Variants in MGAT4C observed in about 807,000 individuals in gnomAD.
The protein encoded by MGAT4C is MGAT4 family member C.
In MGAT4C, 19 loss-of-function variants were observed where a neutral mutation model predicts 40.1. That is an observed-to-expected ratio of 0.47 (90% confidence interval 0.33 to 0.70). The LOEUF (loss-of-function observed/expected upper bound fraction) is 0.70, where lower values mean the gene tolerates loss of function less well. MGAT4C is among the 30% of genes least tolerant of loss of function. The pLI is 0.02. For synonymous variants in MGAT4C, 181 were observed against 187.1 expected (o/e 0.97, Z 0.27); for missense variants, 491 against 563.2 (o/e 0.87, Z 1.30).
intron 2 of MGAT4C, among the ~76,000 whole-genome samples, chr12:86,709,549 T>A (rs1565940897): frequency 6.6e-6 from 1 of 152,090 alleles, no homozygotes; most frequent in Non-Finnish European, 1.5e-5. Context: ...AGAAGATTTG[T>A]GATTATGTTT....
intron 3 of MGAT4C, among the ~76,000 whole-genome samples, chr12:86,378,958 T>G (rs978785867): frequency 6.6e-6 from 1 of 152,112 alleles, no homozygotes; most frequent in Non-Finnish European, 1.5e-5. Context: ...ATTGGAGCTC[T>G]TAGAATCAAC....
In MGAT4C at chr12:86,234,696, T is replaced by C. The variant is rs148751934; in HGVS notation, c.-57+21543A>G. ...CCTCTCTTTTTTCCCTTCACATTAG[T>C]TGCTTGAGTTTTGTCTCCCCTAATT... On this transcript the variant is annotated intron_variant, in intron 1 of 4. Transcript: ENST00000611864. 1.2e-3 allele frequency among the ~76,000 whole-genome samples: 188 copies of C among 152,232 alleles called. 1 individual carries two copies. The highest frequency in any genetic ancestry group is 4.3e-3 in the African/African-American group (177 of 41,558).
intron 2 of MGAT4C, among the ~76,000 whole-genome samples, chr12:86,600,989 G>C (rs1348778059): frequency 1.3e-5 from 2 of 152,254 alleles, no homozygotes; most frequent in East Asian, 3.8e-4. Context: ...GACCCAGCCA[G>C]GTGTGTGCAC....
chr12:86,568,566 A>ATG (rs1555205574), intron 2 of MGAT4C, among the ~76,000 whole-genome samples: 1 of 149,912 alleles, frequency 6.7e-6, no homozygotes, highest in Non-Finnish European at 1.5e-5. Flanking sequence ...ATATATATAT[A>ATG]TCCTGTTAGT....
intron 2 of MGAT4C, among the ~76,000 whole-genome samples, chr12:86,445,762 T>A (rs1592857366): frequency 6.6e-6 from 1 of 152,128 alleles, no homozygotes; most frequent in African/African-American, 2.4e-5. Context: ...TCAAACCTAA[T>A]GTTGAGAAAA....
intron 2 of MGAT4C, among the ~76,000 whole-genome samples, chr12:86,023,507 AG>A (rs1275731361): frequency 6.6e-6 from 1 of 150,952 alleles, no homozygotes; most frequent in Non-Finnish European, 1.5e-5. Flanking sequence ...TTTTATATTA[AG>A]TACTATTTAA....
rs551916885 is a variant in MGAT4C, at chr12:86,666,927, A to G, written c.-229+60282T>C. ...TTTACTTTTATAGTACTGAAGCCCAATGCTGTCATCAGAATCAATAGAAAC... is the reference window on the plus strand; with the variant it reads ...TTTACTTTTATAGTACTGAAGCCCAGTGCTGTCATCAGAATCAATAGAAAC... On this transcript the variant is annotated intron_variant, in intron 2 of 7. Coordinates refer to the MGAT4C transcript ENST00000548651. Among the ~76,000 whole-genome samples, 35 of 152,274 alleles carry G rather than the reference A, an allele frequency of 2.3e-4. No individual in the cohort carries two copies. In the South Asian group the frequency reaches 7.2e-3, roughly 32 times the overall value.
At chr12:86,772,142 T>C (rs1032167267) in intron 1 of MGAT4C, among the ~76,000 whole-genome samples, 13 of 152,132 alleles carry the variant, frequency 8.5e-5, no homozygotes, top group Admixed American at 3.3e-4. Context: ...AGAGATTGTA[T>C]GTATGGCTCA....
intron 3 of MGAT4C, among the ~76,000 whole-genome samples, chr12:86,363,670 G>A (rs1955530934): frequency 1.3e-5 from 2 of 151,948 alleles, no homozygotes; most frequent in Non-Finnish European, 2.9e-5. Flanking sequence ...GGAACCAAAA[G>A]CTACTTCTTT....
At chr12:86,323,854 ATC>A (rs1345966548) in intron 4 of MGAT4C, among the ~76,000 whole-genome samples, 1 of 151,908 alleles carries the variant, frequency 6.6e-6, no homozygotes, top group Non-Finnish European at 1.5e-5. Context: ...AAGCTACTAA[ATC>A]TTTGCCACTA....
At chr12:86,822,828 C>T (rs1209689989) in intron 1 of MGAT4C, among the ~76,000 whole-genome samples, 1 of 151,058 alleles carries the variant, frequency 6.6e-6, no homozygotes, top group Non-Finnish European at 1.5e-5. Context: ...CAGATATATA[C>T]TAAATATTCT....
intron 4 of MGAT4C, among the ~76,000 whole-genome samples, chr12:86,303,097 T>G (rs1490239692): frequency 2.0e-5 from 3 of 150,678 alleles, no homozygotes; most frequent in Non-Finnish European, 4.4e-5. Context: ...TTTTACAGTA[T>G]TCTCACTGTA....
chr12:86,441,790 AGT>A (rs1277013373), intron 2 of MGAT4C, among the ~76,000 whole-genome samples: 5 of 152,212 alleles, frequency 3.3e-5, no homozygotes, highest in African/African-American at 1.2e-4. Flanking sequence ...TATTGTGAAT[AGT>A]GCTGCAATAA....
At chr12:86,069,453 A>G (rs1029432920) in intron 1 of MGAT4C, among the ~76,000 whole-genome samples, 1 of 152,178 alleles carries the variant, frequency 6.6e-6, no homozygotes, top group Non-Finnish European at 1.5e-5. Context: ...TACATGGGCT[A>G]TTTATTTGAA....
At chr12:86,192,095 G>A (rs1239249590) in intron 1 of MGAT4C, among the ~76,000 whole-genome samples, 1 of 106,614 alleles carries the variant, frequency 9.4e-6, no homozygotes, top group Non-Finnish European at 1.8e-5. Context: ...GCCTGTTGTG[G>A]GGTGGGGGGA....
intron 1 of MGAT4C, among the ~76,000 whole-genome samples, chr12:86,119,522 T>A (rs940127416): frequency 4.6e-5 from 7 of 151,808 alleles, no homozygotes; most frequent in African/African-American, 1.7e-4. Context: ...ATTCTTCTGC[T>A]TCAGCCTCCA....
intron 1 of MGAT4C, among the ~76,000 whole-genome samples, chr12:86,832,524 T>C (rs1049949442): frequency 6.6e-6 from 1 of 151,742 alleles, no homozygotes; most frequent in Admixed American, 6.6e-5. Flanking sequence ...TTAACTAGAG[T>C]AGCATCATAC....
chr12:86,334,718 T>C (rs183701214), intron 3 of MGAT4C, among the ~76,000 whole-genome samples: 36 of 152,216 alleles, frequency 2.4e-4, no homozygotes, highest in Admixed American at 4.6e-4. Flanking sequence ...TTAAACCACA[T>C]TAAACACCAT....
intron 2 of MGAT4C, among the ~76,000 whole-genome samples, chr12:86,609,731 GA>G (rs1031184131): frequency 2.0e-5 from 3 of 147,870 alleles, no homozygotes; most frequent in Non-Finnish European, 3.0e-5. Flanking sequence ...TAAAAAGTAA[GA>G]TTTTTTTTTT....
Sources: allele counts gnomAD v4.1 joint callset (sites outside exome capture counted in the v4.1 genomes callset), GRCh38; gene constraint gnomAD v4.1.1; transcripts MANE v1.5; gene names NCBI Gene and HGNC (gene_info 2026-07-23, HGNC 2026-07-21).